DEFB119: variants seen among roughly 807,000 people sequenced by gnomAD.
The protein encoded by DEFB119 is beta-defensin 119.
Under a neutral mutation model 2.5 loss-of-function variants are expected in DEFB119, and 3 were observed. The observed-to-expected ratio is 1.19, with a 90% CI of 0.54 to 3.07. The LOEUF (loss-of-function observed/expected upper bound fraction) is 3.07. Among genes scored for constraint, DEFB119 ranks in the 30% most tolerant of loss-of-function variants. The pLI is 0.03. For missense variants in DEFB119, 113 were observed against 101.1 expected (o/e 1.12, Z -0.50); for synonymous variants, 29 against 33.7 (o/e 0.86, Z 0.48).
chr20:31,389,219 T>A, intron 1 of DEFB119: 1 of 1,614,086 alleles, frequency 6.2e-7, no homozygotes, highest in Non-Finnish European at 8.5e-7. Flanking sequence ...TGTCCATCCA[T>A]CCAACACTCT....
chr20:31,384,441 A>C (rs1986615206), intron 1 of DEFB119, among the ~76,000 whole-genome samples: 1 of 152,216 alleles, frequency 6.6e-6, no homozygotes, highest in Non-Finnish European at 1.5e-5. Context: ...AAAAAATAAA[A>C]ATAAAACAAC....
chr20:31,378,218 C>T, intron 1 of DEFB119: 3 of 1,395,516 alleles, frequency 2.1e-6, no homozygotes, highest in African/African-American at 1.4e-5. Flanking sequence ...AGAGTCAAGA[C>T]TTTCACCACC....
intron 1 of DEFB119, among the ~76,000 whole-genome samples, chr20:31,381,810 CA>C (rs58252281): frequency 3.4e-4 from 48 of 141,194 alleles, no homozygotes; most frequent in African/African-American, 5.3e-4. Flanking sequence ...GACACTGTCT[CA>C]AAAAAAAAAA....
At chr20:31,388,774 C>G (rs1326927339) in intron 1 of DEFB119, among the ~76,000 whole-genome samples, 4 of 152,084 alleles carry the variant, frequency 2.6e-5, no homozygotes, top group Non-Finnish European at 5.9e-5. Flanking sequence ...CATGTTCTCC[C>G]CAGTCCACTC....
At chr20:31,387,496 C>T (rs1399654159) in intron 1 of DEFB119, among the ~76,000 whole-genome samples, 1 of 152,142 alleles carries the variant, frequency 6.6e-6, no homozygotes, top group Non-Finnish European at 1.5e-5. Context: ...TTCATAATGA[C>T]CTGAAAGGTC....
intron 1 of DEFB119, among the ~76,000 whole-genome samples, chr20:31,385,105 C>T (rs1436474423): frequency 1.3e-5 from 2 of 152,190 alleles, no homozygotes; most frequent in Non-Finnish European, 2.9e-5. Flanking sequence ...AATTAACAAA[C>T]TGCTAGACAA....
At chr20:31,380,673 C>T (rs149937858) in intron 1 of DEFB119, among the ~76,000 whole-genome samples, 2,300 of 151,168 alleles carry the variant, frequency 0.015, 28 homozygotes, top group Non-Finnish European at 0.022. Context: ...CATCATGTGT[C>T]GAAAAGGACC....
chr20:31,387,556 T>C (rs990961746), intron 1 of DEFB119, among the ~76,000 whole-genome samples: 7 of 152,320 alleles, frequency 4.6e-5, no homozygotes, highest in East Asian at 3.9e-4. Context: ...TGCAGGAACA[T>C]GGCATTCCGA....
At chr20:31,388,929 T>A in intron 1 of DEFB119, 681 of 1,128,968 alleles carry the variant, frequency 6.0e-4, no homozygotes, top group Non-Finnish European at 7.2e-4. Context: ...CCTCAATCCA[T>A]TTGAAGTATC....
intron 1 of DEFB119, among the ~76,000 whole-genome samples, chr20:31,387,185 G>A (rs1986738936): frequency 6.6e-6 from 1 of 152,096 alleles, no homozygotes. Context: ...TTGAGGTGAT[G>A]GATATGCTAA....
intron 1 of DEFB119, among the ~76,000 whole-genome samples, chr20:31,377,975 G>A (rs929326553): frequency 6.6e-6 from 1 of 152,204 alleles, no homozygotes; most frequent in Non-Finnish European, 1.5e-5. Context: ...AGAAGGCTAC[G>A]TGGAGAGCCT....
At chr20:31,381,648 C>T (rs140971944) in intron 1 of DEFB119, among the ~76,000 whole-genome samples, 26 of 152,068 alleles carry the variant, frequency 1.7e-4, no homozygotes, top group Non-Finnish European at 3.2e-4. Context: ...CCCATCTCTA[C>T]AAAAAATAAA....
At chr20:31,385,824 C>G (rs778037699) in intron 1 of DEFB119, among the ~76,000 whole-genome samples, 3 of 151,642 alleles carry the variant, frequency 2.0e-5, no homozygotes, top group Non-Finnish European at 4.4e-5. Context: ...GAGCCATGAT[C>G]GCACTACTGC....
intron 1 of DEFB119, among the ~76,000 whole-genome samples, chr20:31,389,468 C>G (rs895828362): frequency 6.6e-6 from 1 of 152,042 alleles, no homozygotes; most frequent in Admixed American, 6.6e-5. Flanking sequence ...GACTTCTCAC[C>G]CTTCTGTCTT....
intron 1 of DEFB119, chr20:31,378,245 G>A (rs1986374061): frequency 6.4e-7 from 1 of 1,555,512 alleles, no homozygotes; most frequent in Non-Finnish European, 8.8e-7. Context: ...TAGTAACAGG[G>A]CCACCACTCC....
chr20:31,381,898 A>C (rs1353629678), intron 1 of DEFB119, among the ~76,000 whole-genome samples: 4 of 152,226 alleles, frequency 2.6e-5, no homozygotes, highest in Admixed American at 2.6e-4. Context: ...AGCAATGTCA[A>C]GTGACAAAGC....
Sources: gnomAD v4.1 joint callset for allele counts (sites outside exome capture counted in the v4.1 genomes callset) on GRCh38, gnomAD v4.1.1 for gene constraint, MANE v1.5 for transcripts, NCBI Gene and HGNC (gene_info 2026-07-23, HGNC 2026-07-21) for gene names.